SEPTIN9: variants seen among roughly 807,000 people sequenced by gnomAD.
SEPTIN9 encodes the protein septin-9.
Under a neutral mutation model 56.6 loss-of-function variants are expected in SEPTIN9, and 13 were observed. That is an observed-to-expected ratio of 0.23 (90% CI 0.15 to 0.37). SEPTIN9 has a LOEUF of 0.37. Ranked by LOEUF, SEPTIN9 falls within the 10% of genes least tolerant of loss-of-function variation. The pLI, the probability that SEPTIN9 is intolerant of heterozygous loss-of-function variation, is 1.00. For missense variants in SEPTIN9, 650 were observed against 823.1 expected (o/e 0.79, Z 2.57); for synonymous variants, 332 against 334.1 (o/e 0.99, Z 0.07).
Position 77,281,682 on chromosome 17 carries a change from A to G in SEPTIN9, c.19+128A>G. 4.4e-6 allele frequency: 4 copies of G among 901,474 alleles called. No individual in the cohort carries two copies. The South Asian group carries it at 6.9e-5, about 16-fold the overall frequency. The allele number at this position is 901,474 out of a possible 1,614,324, so 55.8% of individuals were successfully genotyped here. The stretch of plus-strand genomic sequence containing the variant: ...CGAGTCCCCGCGGCGGGCACACTGC[A>G]GGTCGAGTTCCTCCCAGGACAGGGC... On this transcript the variant is annotated intron_variant, in intron 1 of 11. Transcript: ENST00000427177.
At chr17:77,282,449 A>G (rs1182401730) in intron 1 of SEPTIN9, among the ~76,000 whole-genome samples, 1 of 152,212 alleles carries the variant, frequency 6.6e-6, no homozygotes, top group Non-Finnish European at 1.5e-5. Context: ...TCAGATAGAA[A>G]GGTACCTGCC....
intron 2 of SEPTIN9, among the ~76,000 whole-genome samples, chr17:77,387,549 G>C (rs981534338): frequency 6.6e-6 from 1 of 152,160 alleles, no homozygotes. Flanking sequence ...TGGGGTGAGC[G>C]GAGGGAACGC....
chr17:77,427,815 C>A (rs977805523), intron 3 of SEPTIN9, among the ~76,000 whole-genome samples: 3 of 152,120 alleles, frequency 2.0e-5, no homozygotes, highest in Non-Finnish European at 4.4e-5. Context: ...GGCAGGGGAG[C>A]CGAGAGGGGG....
intron 1 of SEPTIN9, among the ~76,000 whole-genome samples, chr17:77,290,821 A>G (rs2031512675): frequency 6.8e-6 from 1 of 147,264 alleles, no homozygotes; most frequent in Non-Finnish European, 1.5e-5. Context: ...TCTCATAAAT[A>G]AATAAATAAA....
intron 3 of SEPTIN9, 97 bp from the exon 4 acceptor site, chr17:77,482,047 C>T (rs2039476121): frequency 8.3e-7 from 1 of 1,204,624 alleles, no homozygotes; most frequent in African/African-American, 1.5e-5. Context: ...CTCAGTGCCT[C>T]AGTTTCCCCA....
chr17:77,443,640 A>C (rs1309590411), intron 3 of SEPTIN9, among the ~76,000 whole-genome samples: 1 of 151,616 alleles, frequency 6.6e-6, no homozygotes, highest in Admixed American at 6.6e-5. Flanking sequence ...TAAAAATACA[A>C]AAAAAAATTA....
rs1334150929 is a variant in SEPTIN9, at chr17:77,329,524, G to A, written c.76+22327G>A. ...CCAAGGTGGTTTGGATCCTGGGAAG[G>A]TTGGGTACCTGGCAGCCTCAAGGCA... On this transcript the variant is annotated intron_variant, in intron 2 of 11. Transcript: ENST00000427177. The surrounding 1 kb of genome is among the most constrained non-coding windows in gnomAD (Gnocchi z 4.3). Among the ~76,000 whole-genome samples, 3 of 152,146 alleles carry A rather than the reference G, an allele frequency of 2.0e-5. No homozygotes were observed. The highest frequency in any genetic ancestry group is 1.9e-4 in the East Asian group (1 of 5,178).
intron 3 of SEPTIN9, chr17:77,446,960 G>A (rs1245881010): frequency 6.0e-6 from 1 of 167,112 alleles, no homozygotes; most frequent in East Asian, 1.9e-4. Context: ...GTAACACTGA[G>A]TACATTCACA....
intron 2 of SEPTIN9, chr17:77,373,419 C>A: frequency 3.1e-6 from 4 of 1,311,466 alleles, no homozygotes; most frequent in Non-Finnish European, 3.9e-6. Context: ...GGCGCCCCAG[C>A]CAGCGCGCAG....
At position 77,317,094 on chromosome 17, in the gene SEPTIN9, A is replaced by G. The variant is rs140619569; in HGVS notation, c.76+9897A>G. Among the ~76,000 whole-genome samples the G allele has an allele frequency of 3.3e-3, 499 of 152,184 alleles. 1 individual carries two copies. The highest frequency in any genetic ancestry group is 0.011 in the African/African-American group (471 of 41,502). On this transcript the variant is annotated intron_variant, in intron 2 of 11. Transcript: ENST00000427177. This position sits in a 1 kb window ranked among gnomAD's most constrained non-coding sequence, Gnocchi z 4.2. The stretch of plus-strand genomic sequence containing the variant: ...GGAAGAAATAGAATAACAGAAAGCA[A>G]CTCCAGTGAGCTGAGCCCTGGCTCC...
At chr17:77,342,256 G>A (rs2143763325) in intron 2 of SEPTIN9, among the ~76,000 whole-genome samples, 1 of 152,270 alleles carries the variant, frequency 6.6e-6, no homozygotes, top group South Asian at 2.1e-4. Flanking sequence ...GGGCTGCCAC[G>A]AACCTTCAAT....
rs112639124 is a variant in SEPTIN9, at chr17:77,433,395, A to ACCC, written c.721+30698_721+30700dup. On this transcript the variant is annotated intron_variant, in intron 3 of 11. Coordinates refer to ENST00000427177, the MANE Select transcript of SEPTIN9 (RefSeq NM_001113491.2). The surrounding 1 kb of genome is among the most constrained non-coding windows in gnomAD (Gnocchi z 6.4). ...GGTCAGGGTGGGGCTGGGTGCGAGG[A>ACCC]CCCCCCCCGGCCAACAGGGTCTGCT... Among the ~76,000 whole-genome samples the ACCC allele has an allele frequency of 2.0e-5, 3 of 148,876 alleles. No individual in the cohort carries two copies.
At chr17:77,358,792 A>AC (rs1379474364) in intron 2 of SEPTIN9, among the ~76,000 whole-genome samples, 8 of 151,990 alleles carry the variant, frequency 5.3e-5, no homozygotes, top group Non-Finnish European at 1.0e-4. Flanking sequence ...TAAAGATGAG[A>AC]CCCCTGCCCT....
chr17:77,420,826 C>T (rs1211372023), intron 3 of SEPTIN9, among the ~76,000 whole-genome samples: 2 of 152,208 alleles, frequency 1.3e-5, no homozygotes, highest in African/African-American at 2.4e-5. Flanking sequence ...GGAGAAGGCT[C>T]AGTATGTGGT....
intron 2 of SEPTIN9, among the ~76,000 whole-genome samples, chr17:77,337,648 G>A (rs967598767): frequency 6.6e-6 from 1 of 152,074 alleles, no homozygotes; most frequent in Non-Finnish European, 1.5e-5. Flanking sequence ...TAGGAAAGGT[G>A]ATTGTTTGTT....
intron 2 of SEPTIN9, among the ~76,000 whole-genome samples, chr17:77,328,693 C>T (rs1253022330): frequency 2.6e-5 from 4 of 152,192 alleles, no homozygotes; most frequent in African/African-American, 9.7e-5. Flanking sequence ...TTGAGGCCTA[C>T]TATGTGCAGC....
intron 2 of SEPTIN9, among the ~76,000 whole-genome samples, chr17:77,340,696 A>G (rs1447759594): frequency 6.6e-6 from 1 of 152,220 alleles, no homozygotes; most frequent in Non-Finnish European, 1.5e-5. Context: ...TGAAAATCCT[A>G]GATGACATCT....
intron 2 of SEPTIN9, among the ~76,000 whole-genome samples, chr17:77,377,650 G>A (rs534205559): frequency 3.5e-4 from 53 of 152,290 alleles, no homozygotes; most frequent in South Asian, 1.5e-3. Context: ...GCTTCTGGGT[G>A]GGAAGGACCA....
In SEPTIN9 at chr17:77,302,915, T is replaced by C. The variant is rs138566545; in HGVS notation, c.20-4226T>C. 2.6e-3 allele frequency among the ~76,000 whole-genome samples: 393 copies of C among 152,148 alleles called. 4 individuals are homozygous for C. The highest frequency in any genetic ancestry group is 8.7e-3 in the African/African-American group (360 of 41,522). On this transcript the variant is annotated intron_variant, in intron 1 of 11. Coordinates refer to ENST00000427177, the MANE Select transcript of SEPTIN9 (RefSeq NM_001113491.2). ...CACAGGGCGCCCTAAGTTTGCTCTT[T>C]CTGCCTAGGCTCACCCTTTCCTCTC...
Sources: allele counts gnomAD v4.1 joint callset (sites outside exome capture counted in the v4.1 genomes callset), GRCh38; gene constraint gnomAD v4.1.1; non-coding constraint Gnocchi (gnomAD v3.1); transcripts MANE v1.5; gene names NCBI Gene and HGNC (gene_info 2026-07-23, HGNC 2026-07-21).